The following CRAMP1 variants were observed in gnomAD, a reference collection of about 807,000 sequenced individuals.
CRAMP1 encodes the protein protein cramped-like.
Under a neutral mutation model 115.4 loss-of-function variants are expected in CRAMP1, and 50 were observed. That is an observed-to-expected ratio of 0.43 (90% CI 0.35 to 0.55). The LOEUF (loss-of-function observed/expected upper bound fraction) is 0.55. Among genes scored for constraint, CRAMP1 ranks in the 20% least tolerant of loss-of-function variants. CRAMP1 has a pLI of 0.01. For synonymous variants in CRAMP1, 866 were observed against 745.4 expected (o/e 1.16, Z -2.64); for missense variants, 1,679 against 1,721.7 (o/e 0.98, Z 0.44).
chr16:1,657,000 G>C lies in CRAMP1; in HGVS notation c.2235+8G>C. ...GAGGTCAACCCCAAGCTGGTGAGTG[G>C]GTTGGAGCCCAGCCCCTCTGGCGGC... On this transcript the variant is annotated splice_region_variant and intron_variant, in intron 10 of 20. Coordinates refer to ENST00000397412, the MANE Select transcript of CRAMP1 (RefSeq NM_020825.4). The surrounding 1 kb of genome is among the most constrained non-coding windows in gnomAD (Gnocchi z 5.6). The C allele has an allele frequency of 1.3e-6, 2 of 1,505,512 alleles. No individual in the cohort carries two copies. Among genetic ancestry groups the C allele is most frequent in the African/African-American group, 1.4e-5 (1 of 72,070 alleles). 93.3% of individuals were successfully genotyped at this position (1,505,512 alleles called of 1,614,324 possible). A position where few individuals can be genotyped will look rare whatever the true frequency, so the allele number is the denominator to read the frequency against.
chr16:1,622,212 A>T (rs142658794), intron 2 of CRAMP1, among the ~76,000 whole-genome samples: 1 of 152,308 alleles, frequency 6.6e-6, no homozygotes, highest in African/African-American at 2.4e-5. Flanking sequence ...ATTGTTTTTT[A>T]AAAAGCATTC....
At position 1,659,920 on chromosome 16, in the gene CRAMP1, T is replaced by A; in HGVS notation, c.2270T>A (p.Val757Glu). Residue 757 changes from valine (V) to glutamate (E), a missense_variant, in exon 11 of 21, where the codon GTA (valine) becomes GAA (glutamate). By Grantham distance (121) the Val-to-Glu change is moderately radical (BLOSUM62 -2). Transcript: ENST00000397412. ...LEANTISTAS[V>E]RPAQEEQSMT... ...GCAAACACCATCTCTACAGCCTCAG[T>A]AAGGCCCGCCCAGGAGGAGCAGTCG... The A allele has an allele frequency of 6.2e-7, 1 of 1,613,100 alleles. No homozygotes were observed. The highest frequency in any genetic ancestry group is 1.1e-5 in the South Asian group (1 of 91,078).
intron 14 of CRAMP1, among the ~76,000 whole-genome samples, chr16:1,665,604 G>T (rs1470914711): frequency 6.6e-6 from 1 of 152,170 alleles, no homozygotes; most frequent in Non-Finnish European, 1.5e-5. Context: ...TACCAGTGTT[G>T]ACTTCCACGT....
Position 1,656,217 on chromosome 16 carries a change from G to C in CRAMP1, c.1460G>C (p.Gly487Ala), listed in dbSNP as rs1243312947. Residue 487 changes from glycine (G) to alanine (A), a missense_variant, in exon 10 of 21, where the codon GGA (glycine) becomes GCA (alanine). By Grantham distance (60) the Gly-to-Ala change is moderately conservative. Coordinates refer to ENST00000397412, the MANE Select transcript of CRAMP1 (RefSeq NM_020825.4). The surrounding 1 kb of genome is among the most constrained non-coding windows in gnomAD (Gnocchi z 5.6). ...PPAADALQSS[G>A]ESSPESAPGE... ...GCGGCTGACGCCTTGCAGAGCTCCG[G>C]AGAGAGTTCCCCCGAAAGCGCCCCC... 6.2e-7 allele frequency: 1 copy of C among 1,607,052 alleles called. No individual in the cohort carries two copies. The highest frequency in any genetic ancestry group is 1.7e-5 in the Admixed American group (1 of 59,558).
At chr16:1,645,739 C>T (rs945900652) in intron 6 of CRAMP1, among the ~76,000 whole-genome samples, 1 of 152,218 alleles carries the variant, frequency 6.6e-6, no homozygotes, top group African/African-American at 2.4e-5. Flanking sequence ...CCCCAGCAGC[C>T]TCTAGTCTCC....
rs959779414 is a variant in CRAMP1, at chr16:1,656,227, C to A, written c.1470C>A (p.Ser490=). ...ADALQSSGES[S]PESAPGEGAA... ...CCTTGCAGAGCTCCGGAGAGAGTTC[C>A]CCCGAAAGCGCCCCCGGGGAGGGGG... The change falls in exon 10 of 21, where the codon TCC becomes TCA. Residue 490 remains serine, a synonymous_variant. Coordinates refer to ENST00000397412, the MANE Select transcript of CRAMP1 (RefSeq NM_020825.4). The surrounding 1 kb of genome is among the most constrained non-coding windows in gnomAD (Gnocchi z 5.6). The A allele has an allele frequency of 2.5e-6, 4 of 1,607,658 alleles. No homozygotes were observed. Among genetic ancestry groups the A allele is most frequent in the South Asian group, 1.1e-5 (1 of 90,864 alleles).
chr16:1,616,447 G>A (rs944496473), intron 2 of CRAMP1, among the ~76,000 whole-genome samples: 1 of 152,196 alleles, frequency 6.6e-6, no homozygotes, highest in Non-Finnish European at 1.5e-5. Flanking sequence ...ACTTCACCCC[G>A]TTGAAGTGCG....
intron 4 of CRAMP1, among the ~76,000 whole-genome samples, chr16:1,635,101 G>A (rs1019868598): frequency 1.3e-5 from 2 of 152,248 alleles, no homozygotes; most frequent in African/African-American, 4.8e-5. Context: ...GTTTCACTAT[G>A]TTGCCAAGCT....
At chr16:1,667,185 C>T (rs1428475180) in intron 16 of CRAMP1, 150 bp from the exon 17 acceptor site, 9 of 638,416 alleles carry the variant, frequency 1.4e-5, no homozygotes, top group Middle Eastern at 4.1e-4. Flanking sequence ...TCAGTGTTCT[C>T]GACCTTAGAC....
rs2036970419 is a variant in CRAMP1, at chr16:1,676,570, T to C, written c.*2525T>C. ...CCAACAGAAGCGGTGATCGTCTAAG[T>C]ATGAGCCTGTGGCTTCCTTTGTGCA... On this transcript the variant is annotated 3_prime_UTR_variant, in exon 21 of 21. Transcript: ENST00000397412. 1 of 152,274 alleles carries C rather than the reference T, an allele frequency of 6.6e-6. No homozygotes were observed. The highest frequency in any genetic ancestry group is 2.1e-4 in the South Asian group (1 of 4,834). 9.4% of individuals were successfully genotyped at this position (152,274 alleles called of 1,614,324 possible).
chr16:1,645,642 G>A (rs1160357957), intron 6 of CRAMP1, among the ~76,000 whole-genome samples: 1 of 152,078 alleles, frequency 6.6e-6, no homozygotes, highest in East Asian at 1.9e-4. Context: ...ATCACACGGG[G>A]GCAGTTCACT....
chr16:1,649,636 C>CCCA (rs1368357184), intron 6 of CRAMP1, among the ~76,000 whole-genome samples: 2 of 151,840 alleles, frequency 1.3e-5, no homozygotes, highest in Non-Finnish European at 2.9e-5. Context: ...CCTACAGGCA[C>CCCA]CCACCACCAC....
chr16:1,673,928 T>C lies in CRAMP1; in HGVS notation c.3693T>C (p.Asp1231=), dbSNP rs1567464890. Residue 1231 remains aspartate (D), a synonymous_variant, in exon 21 of 21, where the codon GAT becomes GAC. Transcript: ENST00000397412. ...GCATGATGAACGAAAACAGCATTGATTACATTTCTCGGTTCAATGACCTGG... is the reference window on the plus strand; with the variant it reads ...GCATGATGAACGAAAACAGCATTGACTACATTTCTCGGTTCAATGACCTGG... ...LVCMMNENSI[D]YISRFNDLAQ... The C allele has an allele frequency of 3.1e-6, 5 of 1,613,812 alleles. No homozygotes were observed. Among genetic ancestry groups the C allele is most frequent in the Non-Finnish European group, 4.2e-6 (5 of 1,179,828 alleles).
chr16:1,614,949 A>G lies in CRAMP1; in HGVS notation c.310A>G (p.Ser104Gly). ...GAAGGATCCTCCGAGCGCTGTGGGG[A>G]GCGGCAACGCCGGTGGCTCGGGGCC... ...PRKDPPSAVG[S>G]GNAGGSGPRG... The change falls in exon 2 of 21, where the codon AGC (serine) becomes GGC (glycine). Residue 104 changes from serine (S) to glycine (G), a missense_variant. Coordinates refer to ENST00000397412, the MANE Select transcript of CRAMP1 (RefSeq NM_020825.4). The surrounding 1 kb of genome is among the most constrained non-coding windows in gnomAD (Gnocchi z 4.4). 7.9e-7 allele frequency: 1 copy of G among 1,265,602 alleles called. No individual in the cohort carries two copies. The highest frequency in any genetic ancestry group is 9.9e-7 in the Non-Finnish European group (1 of 1,006,578). The allele number at this position is 1,265,602 out of a possible 1,614,324, so 78.4% of individuals were successfully genotyped here.
In CRAMP1 at chr16:1,628,115, A is replaced by G. The variant is rs572028049; in HGVS notation, c.540+1949A>G. 5.9e-5 allele frequency among the ~76,000 whole-genome samples: 9 copies of G among 152,220 alleles called. 1 individual carries two copies. The South Asian group carries it at 1.7e-3, about 28-fold the overall frequency. ...TCATTAGAGTTTTTCTATCGGGTAG[A>G]TGCTTTTTGAGGATTCTGAAATCCT... On this transcript the variant is annotated intron_variant, in intron 3 of 20. Coordinates refer to ENST00000397412, the MANE Select transcript of CRAMP1 (RefSeq NM_020825.4).
At position 1,669,089 on chromosome 16, in the gene CRAMP1, C is replaced by T. The variant is rs762118478; in HGVS notation, c.3423C>T (p.His1141=). 1.4e-5 allele frequency: 22 copies of T among 1,612,094 alleles called. No homozygotes were observed. Among genetic ancestry groups the T allele is most frequent in the Non-Finnish European group, 1.9e-5 (22 of 1,179,122 alleles). Residue 1141 remains histidine, a synonymous_variant, in exon 19 of 21, where the codon CAC becomes CAT. Coordinates refer to ENST00000397412, the MANE Select transcript of CRAMP1 (RefSeq NM_020825.4). This position sits in a 1 kb window ranked among gnomAD's most constrained non-coding sequence, Gnocchi z 4.6. Reference sequence around the variant, plus strand: ...CCCCGTCCAGCAGCCCCCAGCCACACTGGATCGCCTCTCCCACCCACGACC... The same window carrying T: ...CCCCGTCCAGCAGCCCCCAGCCACATTGGATCGCCTCTCCCACCCACGACC... ...LPSPSSSPQP[H]WIASPTHDPQ... is the part of the protein sequence containing the mutation.
chr16:1,659,398 C>A (rs1466494625), intron 10 of CRAMP1, among the ~76,000 whole-genome samples: 1 of 148,252 alleles, frequency 6.7e-6, no homozygotes, highest in African/African-American at 2.5e-5. Context: ...TGATTTTTTT[C>A]TTTTTTTTTT....
rs534702752 is a variant in CRAMP1, at chr16:1,670,768, C to A, written c.3604C>A (p.Arg1202=). 51 of 1,613,980 alleles carry A rather than the reference C, an allele frequency of 3.2e-5. No individual in the cohort carries two copies. The South Asian group carries it at 5.5e-4, about 17-fold the overall frequency. Reference sequence around the variant, plus strand: ...CCCCAGCTTGTTGGATGGAAACTCGCGGGACTCATTTGTGTCCAGGTCCCT... The same window carrying A: ...CCCCAGCTTGTTGGATGGAAACTCGAGGGACTCATTTGTGTCCAGGTCCCT... The part of the protein sequence containing the change: ...LGPSLLDGNS[R]DSFVSRSLAD... Residue 1202 remains arginine, a synonymous_variant, in exon 20 of 21, where the codon CGG becomes AGG. Coordinates refer to ENST00000397412, the MANE Select transcript of CRAMP1 (RefSeq NM_020825.4).
chr16:1,641,318 T>A (rs1362104649), intron 6 of CRAMP1, 131 bp downstream of exon 6: 8 of 701,768 alleles, frequency 1.1e-5, no homozygotes, highest in Non-Finnish European at 2.0e-5. Flanking sequence ...AGTTACGTGT[T>A]CAGTCCCAAC....
Sources: allele counts gnomAD v4.1 joint callset (sites outside exome capture counted in the v4.1 genomes callset), GRCh38; gene constraint gnomAD v4.1.1; non-coding constraint Gnocchi (gnomAD v3.1); transcripts MANE v1.5; gene names NCBI Gene and HGNC (gene_info 2026-07-23, HGNC 2026-07-21).